LRRC4C: variants seen among roughly 807,000 people sequenced by gnomAD.
The protein encoded by LRRC4C is leucine rich repeat containing 4C.
A neutral mutation model predicts 33.6 loss-of-function variants in LRRC4C; 5 were observed. The ratio of observed to expected loss-of-function variants is 0.15; its 90% CI spans 0.08 to 0.31. LRRC4C has a LOEUF of 0.31. LRRC4C is among the 10% of genes least tolerant of loss of function. The pLI, the probability that LRRC4C is intolerant of heterozygous loss-of-function variation, is 1.00. For missense variants in LRRC4C, 560 were observed against 796.7 expected (o/e 0.70, Z 3.58); for synonymous variants, 329 against 302.0 (o/e 1.09, Z -0.93).
chr11:40,557,155 T>C (rs1463971502), intron 3 of LRRC4C, among the ~76,000 whole-genome samples: 3 of 152,018 alleles, frequency 2.0e-5, no homozygotes, highest in African/African-American at 4.8e-5. Context: ...ATAACAAAAA[T>C]AGTGCAATAT....
chr11:40,751,210 G>A (rs1246563014), intron 2 of LRRC4C, among the ~76,000 whole-genome samples: 1 of 152,130 alleles, frequency 6.6e-6, no homozygotes, highest in Admixed American at 6.5e-5. Flanking sequence ...ATTGGAACAA[G>A]ACAAGAATGA....
chr11:40,310,466 A>G (rs1183151590), intron 4 of LRRC4C, among the ~76,000 whole-genome samples: 1 of 152,178 alleles, frequency 6.6e-6, no homozygotes, highest in Non-Finnish European at 1.5e-5. Flanking sequence ...CTATAGTAAC[A>G]TCAATAAACC....
At chr11:40,712,466 G>A (rs901761277) in intron 2 of LRRC4C, among the ~76,000 whole-genome samples, 2 of 152,268 alleles carry the variant, frequency 1.3e-5, no homozygotes, top group Admixed American at 1.3e-4. Flanking sequence ...GTTTGACTGT[G>A]TCCTCACCCA....
chr11:40,114,485 G>A lies in LRRC4C; in HGVS notation c.1808C>T (p.Ser603Phe). 6.2e-7 allele frequency: 1 copy of A among 1,614,140 alleles called. No homozygotes were observed. The highest frequency in any genetic ancestry group is 8.5e-7 in the Non-Finnish European group (1 of 1,180,024). Residue 603 changes from serine (S) to phenylalanine (F), a missense_variant, in exon 7 of 7, where the codon TCT (serine) becomes TTT (phenylalanine). Physicochemically the swap from Ser to Phe is radical, Grantham distance 155. Transcript: ENST00000528697. Reference protein sequence around the residue: ...EHLNHYNSYKSPFNHTTTVNT... With the variant: ...EHLNHYNSYKFPFNHTTTVNT... ...AACTGTTGTTGTGTGGTTGAAGGGA[G>A]ATTTGTATGAGTTATAGTGATTTAG...
rs1219436357 is a variant in LRRC4C at position 41,117,380 on chromosome 11, G to C, written c.-495-183657C>G. Among the ~76,000 whole-genome samples the C allele has an allele frequency of 2.6e-5, 4 of 152,206 alleles. No homozygotes were observed. In the Middle Eastern group the frequency reaches 0.01, roughly 388 times the overall value. ...TAAGTATCAACATAACAAAATACTA[G>C]ACAAGCTTTCAAATATCAGTGATAA... On this transcript the variant is annotated intron_variant, in intron 1 of 6. Coordinates refer to ENST00000528697, the MANE Select transcript of LRRC4C (RefSeq NM_001258419.2).
At chr11:40,614,638 A>G (rs1961580130) in intron 3 of LRRC4C, among the ~76,000 whole-genome samples, 1 of 151,400 alleles carries the variant, frequency 6.6e-6, no homozygotes, top group South Asian at 2.1e-4. Flanking sequence ...TCAGCTTTTG[A>G]CTTGCCTTCT....
chr11:41,226,741 TAC>T (rs59285418), intron 1 of LRRC4C, among the ~76,000 whole-genome samples: 2,882 of 136,878 alleles, frequency 0.021, 61 homozygotes, highest in East Asian at 0.078. Flanking sequence ...TCCTTACCAT[TAC>T]ACACACACAC....
intron 1 of LRRC4C, among the ~76,000 whole-genome samples, chr11:40,984,149 TAAAGAAAG>T (rs890139435): frequency 8.9e-6 from 1 of 112,378 alleles, no homozygotes; most frequent in African/African-American, 3.4e-5. Context: ...AAGAAAAAAG[TAAAGAAAG>T]AAAGAAAGAA....
Position 41,448,327 on chromosome 11 carries a change from A to G in LRRC4C, c.-496+11104T>C, listed in dbSNP as rs1336537862. ...AGCTTTTTTTTTTTTTTTTTTTGAGATGGAGTTTCACTCTGCTGCCCAGGC... is the reference window on the plus strand; with the variant it reads ...AGCTTTTTTTTTTTTTTTTTTTGAGGTGGAGTTTCACTCTGCTGCCCAGGC... On this transcript the variant is annotated intron_variant, in intron 1 of 6. Transcript: ENST00000528697. Among the ~76,000 whole-genome samples, 4 of 115,926 alleles carry G rather than the reference A, an allele frequency of 3.5e-5. No homozygotes were observed. In the Admixed American group the frequency reaches 4.1e-4, roughly 12 times the overall value. The allele number at this position is 115,926 out of a possible 152,430, so 76.1% of individuals were successfully genotyped here. A position where few individuals can be genotyped will look rare whatever the true frequency, so the allele number is the denominator to read the frequency against.
intron 2 of LRRC4C, among the ~76,000 whole-genome samples, chr11:40,913,820 A>G (rs1765634397): frequency 6.6e-6 from 1 of 152,194 alleles, no homozygotes; most frequent in African/African-American, 2.4e-5. Context: ...TAAAGAAGAA[A>G]AGAGAGAAGA....
chr11:41,090,982 C>T (rs560665425), intron 1 of LRRC4C, among the ~76,000 whole-genome samples: 1 of 152,140 alleles, frequency 6.6e-6, no homozygotes, highest in African/African-American at 2.4e-5. Flanking sequence ...GACTAATCTG[C>T]ATATTAATCA....
chr11:41,342,498 T>A (rs561284761), intron 1 of LRRC4C, among the ~76,000 whole-genome samples: 33 of 152,110 alleles, frequency 2.2e-4, no homozygotes, highest in Non-Finnish European at 4.7e-4. Context: ...GTGGACCACT[T>A]GAGGTCAGGG....
chr11:40,287,590 A>G (rs928959247), intron 4 of LRRC4C, among the ~76,000 whole-genome samples: 2 of 152,152 alleles, frequency 1.3e-5, no homozygotes, highest in African/African-American at 4.8e-5. Context: ...TTAAATTTCA[A>G]TGGTCAAATT....
intron 1 of LRRC4C, among the ~76,000 whole-genome samples, chr11:41,364,934 AAAGTT>A (rs1952481835): frequency 6.6e-6 from 1 of 152,096 alleles, no homozygotes; most frequent in Non-Finnish European, 1.5e-5. Context: ...AGAAATTTTC[AAAGTT>A]ATTTTGTCAT....
intron 2 of LRRC4C, among the ~76,000 whole-genome samples, chr11:40,856,553 A>C (rs1953792169): frequency 6.6e-6 from 1 of 152,228 alleles, no homozygotes; most frequent in Non-Finnish European, 1.5e-5. Flanking sequence ...TTATGGAGGA[A>C]TATCCACTTT....
intron 2 of LRRC4C, among the ~76,000 whole-genome samples, chr11:40,770,853 C>A (rs950220167): frequency 1.3e-5 from 2 of 152,166 alleles, no homozygotes; most frequent in African/African-American, 4.8e-5. Context: ...AAGAGGTGGG[C>A]TCCCATGGCC....
intron 3 of LRRC4C, among the ~76,000 whole-genome samples, chr11:40,531,066 G>C (rs893449454): frequency 2.0e-5 from 3 of 152,108 alleles, no homozygotes; most frequent in African/African-American, 7.2e-5. Context: ...GTAAATGTCA[G>C]TGGGTGACTT....
chr11:40,962,169 A>C (rs976380178), intron 1 of LRRC4C, among the ~76,000 whole-genome samples: 1 of 151,616 alleles, frequency 6.6e-6, no homozygotes, highest in Non-Finnish European at 1.5e-5. Context: ...TCAGAGAGAG[A>C]TACAAGGATG....
At chr11:41,336,906 C>A (rs1179521263) in intron 1 of LRRC4C, among the ~76,000 whole-genome samples, 1 of 151,858 alleles carries the variant, frequency 6.6e-6, no homozygotes, top group Non-Finnish European at 1.5e-5. Flanking sequence ...GCAATAAACA[C>A]ATCAGACACA....
Sources: allele counts gnomAD v4.1 joint callset (sites outside exome capture counted in the v4.1 genomes callset), GRCh38; gene constraint gnomAD v4.1.1; transcripts MANE v1.5; gene names NCBI Gene and HGNC (gene_info 2026-07-23, HGNC 2026-07-21).